DCBLD1: variants seen among roughly 807,000 people sequenced by gnomAD.
The protein encoded by DCBLD1 is discoidin, CUB and LCCL domain containing 1.
A neutral mutation model predicts 71.5 loss-of-function variants in DCBLD1; 57 were observed. The ratio of observed to expected loss-of-function variants is 0.80; its 90% CI spans 0.64 to 0.99. The LOEUF (loss-of-function observed/expected upper bound fraction) is 0.99, where lower values mean the gene tolerates loss of function less well. Ranked by LOEUF, DCBLD1 falls within the 50% of genes least tolerant of loss-of-function variation. The pLI is 0.00. For synonymous variants in DCBLD1, 380 were observed against 363.8 expected, an observed-to-expected ratio of 1.04 and a Z score of -0.51; for missense variants, 891 against 923.5, an observed-to-expected ratio of 0.96 and a Z score of 0.46.
At chr6:117,503,729 CCTT>C (rs1474634827) in intron 1 of DCBLD1, 35 bp from the exon 2 acceptor site, 4 of 1,593,368 alleles carry the variant, frequency 2.5e-6, no homozygotes, top group African/African-American at 1.3e-5. Flanking sequence ...ATTAATGACC[CCTT>C]CTTCTTTTAT....
chr6:117,519,750 G>A (rs1268012688), intron 2 of DCBLD1, 66 bp from the exon 3 acceptor site: 11 of 1,568,680 alleles, frequency 7.0e-6, no homozygotes, highest in Non-Finnish European at 9.6e-6. Context: ...GGAAAAAAAT[G>A]CCATATACCA....
intron 4 of DCBLD1, among the ~76,000 whole-genome samples, chr6:117,525,104 G>C (rs149946406): frequency 3.9e-5 from 6 of 152,216 alleles, no homozygotes; most frequent in African/African-American, 7.2e-5. Flanking sequence ...TTAGAATCAA[G>C]TAAAGTGCAT....
At chr6:117,544,641 G>T in intron 13 of DCBLD1, 64 bp downstream of exon 13, 2 of 1,586,404 alleles carry the variant, frequency 1.3e-6, no homozygotes, top group African/African-American at 2.7e-5. Flanking sequence ...TCTGCTGATT[G>T]AAAGCATAAG....
intron 14 of DCBLD1, among the ~76,000 whole-genome samples, chr6:117,564,564 T>C (rs1345213876): frequency 1.3e-5 from 2 of 152,204 alleles, no homozygotes; most frequent in Non-Finnish European, 2.9e-5. Flanking sequence ...TATATATCTA[T>C]AAAGTATAGA....
At chr6:117,529,961 T>C (rs1465195851) in intron 5 of DCBLD1, among the ~76,000 whole-genome samples, 1 of 152,198 alleles carries the variant, frequency 6.6e-6, no homozygotes, top group Non-Finnish European at 1.5e-5. Flanking sequence ...TTAGATCCTG[T>C]TGCTCGTTGG....
At chr6:117,532,630 C>G (rs1324330586) in intron 6 of DCBLD1, among the ~76,000 whole-genome samples, 2 of 152,158 alleles carry the variant, frequency 1.3e-5, no homozygotes, top group Non-Finnish European at 2.9e-5. Flanking sequence ...ACTCTGAAGC[C>G]CTGGGGCAGA....
At chr6:117,493,835 G>A (rs1047454566) in intron 1 of DCBLD1, among the ~76,000 whole-genome samples, 3 of 152,170 alleles carry the variant, frequency 2.0e-5, no homozygotes, top group African/African-American at 4.8e-5. Flanking sequence ...ATAATAGGAG[G>A]GATGTGTGGT....
intron 1 of DCBLD1, among the ~76,000 whole-genome samples, chr6:117,491,404 C>T (rs1287796656): frequency 1.3e-5 from 2 of 152,168 alleles, no homozygotes; most frequent in Non-Finnish European, 2.9e-5. Flanking sequence ...TGGCCTATTG[C>T]AGACAGAAAA....
intron 5 of DCBLD1, among the ~76,000 whole-genome samples, chr6:117,529,756 T>C (rs1778655578): frequency 6.6e-6 from 1 of 152,172 alleles, no homozygotes; most frequent in South Asian, 2.1e-4. Flanking sequence ...ATGGCTAGTC[T>C]TTTGGAGATG....
At chr6:117,492,626 AGCTAACCATT>A in intron 1 of DCBLD1, among the ~76,000 whole-genome samples, 1 of 152,340 alleles carries the variant, frequency 6.6e-6, no homozygotes, top group East Asian at 1.9e-4. Context: ...CCTTACTGGT[AGCTAACCATT>A]GCTTTTATAG....
At chr6:117,569,664 C>T in exon 15 of DCBLD1, 1 of 1,611,784 alleles carries the variant, frequency 6.2e-7, no homozygotes, top group East Asian at 2.2e-5. Context: ...ACGTGCAGCC[C>T]TCCGCATCTA....
intron 5 of DCBLD1, among the ~76,000 whole-genome samples, chr6:117,529,471 T>G (rs1778646223): frequency 6.6e-6 from 1 of 152,112 alleles, no homozygotes; most frequent in East Asian, 1.9e-4. Context: ...CCCATGTACA[T>G]GGGTTAAGTA....
At chr6:117,525,566 G>C (rs1778522384) in intron 5 of DCBLD1, 132 bp downstream of exon 5, 4 of 586,280 alleles carry the variant, frequency 6.8e-6, no homozygotes, top group Non-Finnish European at 1.1e-5. Context: ...TCTCCTCTGA[G>C]AATAAATGAA....
At chr6:117,513,245 AG>A (rs1314939577) in intron 2 of DCBLD1, among the ~76,000 whole-genome samples, 1 of 152,202 alleles carries the variant, frequency 6.6e-6, no homozygotes, top group Non-Finnish European at 1.5e-5. Context: ...GGAAAGATAA[AG>A]GGTTTCCCTT....
At chr6:117,565,007 G>C (rs934424435) in intron 14 of DCBLD1, among the ~76,000 whole-genome samples, 1 of 152,108 alleles carries the variant, frequency 6.6e-6, no homozygotes, top group Admixed American at 6.6e-5. Context: ...AGGACTCCAA[G>C]AAGCTTCTGT....
At chr6:117,529,849 G>C (rs1334152137) in intron 5 of DCBLD1, among the ~76,000 whole-genome samples, 1 of 152,166 alleles carries the variant, frequency 6.6e-6, no homozygotes, top group Non-Finnish European at 1.5e-5. Flanking sequence ...GAAAGCCATA[G>C]CTGCAATTAA....
chr6:117,489,838 T>A (rs1777226240), intron 1 of DCBLD1, among the ~76,000 whole-genome samples: 1 of 152,078 alleles, frequency 6.6e-6, no homozygotes, highest in African/African-American at 2.4e-5. Flanking sequence ...TGAGCGGAGA[T>A]CACGCCCCTG....
At chr6:117,483,348 G>T (rs1324763122) in intron 1 of DCBLD1, among the ~76,000 whole-genome samples, 1 of 152,186 alleles carries the variant, frequency 6.6e-6, no homozygotes, top group African/African-American at 2.4e-5. Context: ...TGCCCTCCCT[G>T]CCGTCGCTCC....
intron 6 of DCBLD1, among the ~76,000 whole-genome samples, chr6:117,535,153 A>G (rs1778843538): frequency 6.6e-6 from 1 of 152,208 alleles, no homozygotes; most frequent in South Asian, 2.1e-4. Context: ...AAAACCAGAG[A>G]AGGAAGTATT....
Sources: gnomAD v4.1 joint callset for allele counts (sites outside exome capture counted in the v4.1 genomes callset) on GRCh38, gnomAD v4.1.1 for gene constraint, MANE v1.5 for transcripts, NCBI Gene and HGNC (gene_info 2026-07-23, HGNC 2026-07-21) for gene names.